The following MACROD2 variants were observed in gnomAD, a reference collection of about 807,000 sequenced individuals.
The protein encoded by MACROD2 is mono-ADP ribosylhydrolase 2, also known as ADP-ribose glycohydrolase MACROD2.
Under a neutral mutation model 70.4 loss-of-function variants are expected in MACROD2, and 36 were observed. That is an observed-to-expected ratio of 0.51 (90% CI 0.39 to 0.68). MACROD2 has a LOEUF of 0.68. Among genes scored for constraint, MACROD2 ranks in the 30% least tolerant of loss-of-function variants. The pLI is 0.00. For synonymous variants in MACROD2, 172 were observed against 178.8 expected (o/e 0.96, Z 0.30); for missense variants, 496 against 538.4 (o/e 0.92, Z 0.78).
intron 8 of MACROD2, among the ~76,000 whole-genome samples, chr20:15,710,302 G>A (rs1000190499): frequency 6.6e-6 from 1 of 151,752 alleles, no homozygotes; most frequent in South Asian, 2.1e-4. Context: ...ATAATATTGA[G>A]GTTCCTCAAA....
At chr20:15,055,629 T>C (rs1201038016) in intron 5 of MACROD2, among the ~76,000 whole-genome samples, 4 of 152,046 alleles carry the variant, frequency 2.6e-5, no homozygotes, top group Admixed American at 1.3e-4. Context: ...ACCAGAGTTA[T>C]GAATTTAATT....
At chr20:13,996,075 C>T (rs2052640494) in intron 1 of MACROD2, among the ~76,000 whole-genome samples, 1 of 152,198 alleles carries the variant, frequency 6.6e-6, no homozygotes, top group African/African-American at 2.4e-5. Flanking sequence ...TCACCTTCTC[C>T]CGAGGCGGTG....
chr20:14,139,617 C>T (rs1033309317), intron 3 of MACROD2, among the ~76,000 whole-genome samples: 2 of 152,076 alleles, frequency 1.3e-5, no homozygotes, highest in Admixed American at 1.3e-4. Flanking sequence ...TTCAATACTC[C>T]TGTAAAGTTT....
intron 8 of MACROD2, among the ~76,000 whole-genome samples, chr20:15,850,208 A>C (rs1023897900): frequency 6.6e-6 from 1 of 152,158 alleles, no homozygotes; most frequent in Admixed American, 6.5e-5. Context: ...GCATGCCACC[A>C]AGAGCATCAC....
intron 8 of MACROD2, among the ~76,000 whole-genome samples, chr20:15,718,954 G>C (rs181877324): frequency 8.2e-4 from 125 of 152,238 alleles, no homozygotes; most frequent in African/African-American, 2.8e-3. Context: ...GCACATTAAA[G>C]GTTCTAATTA....
intron 5 of MACROD2, among the ~76,000 whole-genome samples, chr20:15,133,115 A>G (rs1479063995): frequency 6.6e-6 from 1 of 152,092 alleles, no homozygotes; most frequent in African/African-American, 2.4e-5. Context: ...AAGTTTTGCT[A>G]AATGTACTTA....
chr20:15,151,667 T>C (rs897737400), intron 5 of MACROD2, among the ~76,000 whole-genome samples: 4 of 151,998 alleles, frequency 2.6e-5, no homozygotes, highest in Non-Finnish European at 5.9e-5. Context: ...GATTTTTATA[T>C]TTGATGAAAA....
chr20:14,338,355 G>A (rs113896943), intron 3 of MACROD2, among the ~76,000 whole-genome samples: 2,177 of 152,180 alleles, frequency 0.014, 14 homozygotes, highest in African/African-American at 0.022. Flanking sequence ...CAACAAGAAC[G>A]AAACTCCATC....
intron 5 of MACROD2, among the ~76,000 whole-genome samples, chr20:15,010,791 G>A (rs944601797): frequency 3.9e-5 from 6 of 152,116 alleles, no homozygotes; most frequent in Admixed American, 2.0e-4. Flanking sequence ...TGAAATGAGC[G>A]TCAGTGAATC....
intron 5 of MACROD2, among the ~76,000 whole-genome samples, chr20:14,739,507 C>T (rs1211751940): frequency 6.6e-6 from 1 of 151,234 alleles, no homozygotes; most frequent in African/African-American, 2.4e-5. Flanking sequence ...TTTTCACTGT[C>T]TACACTTTGT....
At chr20:14,788,774 T>TG (rs1353231431) in intron 5 of MACROD2, among the ~76,000 whole-genome samples, 4 of 140,744 alleles carry the variant, frequency 2.8e-5, no homozygotes, top group Non-Finnish European at 4.6e-5. Flanking sequence ...TTTTTTTTTT[T>TG]TTTTTTTTTT....
chr20:14,653,514 G>A (rs546834028), intron 4 of MACROD2, among the ~76,000 whole-genome samples: 1 of 144,522 alleles, frequency 6.9e-6, no homozygotes, highest in East Asian at 2.0e-4. Flanking sequence ...CACCAAGCCC[G>A]GCTGCAATTT....
At chr20:14,028,733 C>T (rs1462523780) in intron 2 of MACROD2, among the ~76,000 whole-genome samples, 2 of 152,120 alleles carry the variant, frequency 1.3e-5, no homozygotes, top group Admixed American at 1.3e-4. Flanking sequence ...TGCTTCTGCT[C>T]GCCCTCCCTC....
intron 12 of MACROD2, among the ~76,000 whole-genome samples, chr20:15,965,926 A>C (rs1469735506): frequency 1.3e-5 from 2 of 152,174 alleles, no homozygotes; most frequent in Non-Finnish European, 2.9e-5. Context: ...TGGGGGAATT[A>C]TTTGTAGTTA....
chr20:15,086,646 G>C (rs979097374), intron 5 of MACROD2, among the ~76,000 whole-genome samples: 31 of 152,110 alleles, frequency 2.0e-4, no homozygotes, highest in African/African-American at 7.2e-4. Flanking sequence ...TTGCTGCTCT[G>C]AGTCTTTAAT....
intron 8 of MACROD2, among the ~76,000 whole-genome samples, chr20:15,630,673 A>C (rs578239355): frequency 1.1e-4 from 16 of 152,370 alleles, no homozygotes; most frequent in Non-Finnish European, 2.4e-4. Flanking sequence ...ATGTTCACGA[A>C]AATCATCAAC....
intron 6 of MACROD2, among the ~76,000 whole-genome samples, chr20:15,372,583 T>G (rs1284340195): frequency 6.6e-6 from 1 of 152,166 alleles, no homozygotes; most frequent in African/African-American, 2.4e-5. Context: ...CATGTAGGAG[T>G]TCCTTACATA....
At position 14,230,654 on chromosome 20, in the gene MACROD2, T is replaced by TATATATATATATAAA; in HGVS notation, c.271+144927_271+144928insTATATATATATAAAA. On this transcript the variant is annotated intron_variant, in intron 3 of 17. Coordinates refer to ENST00000684519, the MANE Select transcript of MACROD2 (RefSeq NM_001351661.2). Reference sequence around the variant, plus strand: ...GTTTATATATATATATATATATATATAACACAGGCTGGGCCTATATATATA... The same window carrying TATATATATATATAAA: ...GTTTATATATATATATATATATATATATATATATATATAAAAACACAGGCTGGGCCTATATATATA... 5.1e-4 allele frequency among the ~76,000 whole-genome samples: 38 copies of TATATATATATATAAA among 74,228 alleles called. 2 individuals are homozygous for TATATATATATATAAA. The highest frequency in any genetic ancestry group is 2.4e-3 in the African/African-American group (35 of 14,810). 48.7% of individuals were successfully genotyped at this position (74,228 alleles called of 152,430 possible).
At chr20:15,847,522 A>T (rs151178972) in intron 8 of MACROD2, among the ~76,000 whole-genome samples, 209 of 152,348 alleles carry the variant, frequency 1.4e-3, no homozygotes, top group African/African-American at 4.8e-3. Context: ...TGTAACTGGC[A>T]TTGGAAACAT....
Sources: allele counts gnomAD v4.1 joint callset (sites outside exome capture counted in the v4.1 genomes callset), GRCh38; gene constraint gnomAD v4.1.1; transcripts MANE v1.5; gene names NCBI Gene and HGNC (gene_info 2026-07-23, HGNC 2026-07-21).